PLEKHS1: variants seen among roughly 807,000 people sequenced by gnomAD.
PLEKHS1 encodes pleckstrin homology domain-containing family S member 1.
A neutral mutation model predicts 51.0 loss-of-function variants in PLEKHS1; 55 were observed. That is an observed-to-expected ratio of 1.08 (90% confidence interval 0.87 to 1.35). The LOEUF is 1.35. PLEKHS1 is among the 40% of genes most tolerant of loss of function. The pLI, the probability that PLEKHS1 is intolerant of heterozygous loss-of-function variation, is 0.00. For synonymous variants in PLEKHS1, 153 were observed against 144.8 expected, an observed-to-expected ratio of 1.06 and a Z score of -0.41; for missense variants, 398 against 423.0, an observed-to-expected ratio of 0.94 and a Z score of 0.52.
At chr10:113,770,009 C>A in intron 7 of PLEKHS1, 109 bp downstream of exon 7, 1 of 795,266 alleles carries the variant, frequency 1.3e-6, no homozygotes, top group Non-Finnish European at 2.2e-6. Context: ...TCCTCAAAGC[C>A]CGATGCACTA....
chr10:113,774,625 T>A (rs1260419264), intron 9 of PLEKHS1, among the ~76,000 whole-genome samples: 1 of 152,164 alleles, frequency 6.6e-6, no homozygotes, highest in Non-Finnish European at 1.5e-5. Context: ...CTGTAAAGGG[T>A]AATTTTGATT....
At chr10:113,760,124 G>C (rs745785477) in intron 2 of PLEKHS1, among the ~76,000 whole-genome samples, 5 of 152,148 alleles carry the variant, frequency 3.3e-5, no homozygotes, top group Non-Finnish European at 7.3e-5. Context: ...AACACTTTCT[G>C]TCTGACATCT....
exon 4 of PLEKHS1, chr10:113,766,676 A>G: frequency 6.2e-7 from 1 of 1,612,630 alleles, no homozygotes; most frequent in Non-Finnish European, 8.5e-7. Context: ...AGTCTTTCCT[A>G]TTATAAAGAC....
chr10:113,769,955 T>TA (rs1844332107), intron 7 of PLEKHS1, 55 bp downstream of exon 7: 1 of 1,253,428 alleles, frequency 8.0e-7, no homozygotes, highest in Non-Finnish European at 1.2e-6. Context: ...AGCTAATGCC[T>TA]AAAAATCTTA....
At chr10:113,757,952 T>C (rs946521462) in intron 2 of PLEKHS1, among the ~76,000 whole-genome samples, 1 of 152,232 alleles carries the variant, frequency 6.6e-6, no homozygotes, top group Non-Finnish European at 1.5e-5. Context: ...AGTTTGATCA[T>C]GAGATTGCAG....
chr10:113,781,584 CCCAAACACCTCCTT>C (rs1482212005), exon 12 of PLEKHS1: 3 of 105,396 alleles, frequency 2.8e-5, no homozygotes, highest in African/African-American at 1.2e-4. Context: ...ACACCTCCTT[CCCAAACACCTCCTT>C]CCCAACACCT....
intron 7 of PLEKHS1, among the ~76,000 whole-genome samples, chr10:113,770,990 C>T (rs749690302): frequency 1.1e-4 from 16 of 152,196 alleles, no homozygotes; most frequent in Non-Finnish European, 1.9e-4. Context: ...AACTTAAACA[C>T]ACCTGTATTT....
chr10:113,778,273 C>T (rs984960629), intron 11 of PLEKHS1, among the ~76,000 whole-genome samples: 9 of 152,152 alleles, frequency 5.9e-5, no homozygotes, highest in Admixed American at 3.9e-4. Flanking sequence ...AGAGAGTATG[C>T]TGGGTCTTCA....
intron 8 of PLEKHS1, among the ~76,000 whole-genome samples, chr10:113,772,318 C>T (rs1166719166): frequency 1.3e-5 from 2 of 152,048 alleles, no homozygotes; most frequent in Non-Finnish European, 2.9e-5. Context: ...GGTGCATGAG[C>T]TATGGGAGGA....
rs563432745 is a variant in PLEKHS1, at chr10:113,759,374, G to T, written c.28+4069G>T. 5.3e-5 allele frequency among the ~76,000 whole-genome samples: 8 copies of T among 152,328 alleles called. No homozygotes were observed. In the East Asian group the frequency reaches 1.5e-3, roughly 29 times the overall value. ...GCCAAGATCATACCACTGCACTCCAGCCTGGGTAATAGTAAACACACTCAT... is the reference window on the plus strand; with the variant it reads ...GCCAAGATCATACCACTGCACTCCATCCTGGGTAATAGTAAACACACTCAT... On this transcript the variant is annotated intron_variant, in intron 2 of 11. Transcript: ENST00000361048.
intron 8 of PLEKHS1, among the ~76,000 whole-genome samples, chr10:113,772,413 G>A (rs1344480488): frequency 6.6e-6 from 1 of 152,120 alleles, no homozygotes; most frequent in East Asian, 1.9e-4. Context: ...ATTTGGATGT[G>A]GGGGATTGCC....
intron 2 of PLEKHS1, among the ~76,000 whole-genome samples, chr10:113,757,802 T>C (rs1240413909): frequency 6.6e-6 from 1 of 152,260 alleles, no homozygotes; most frequent in Non-Finnish European, 1.5e-5. Context: ...CTGACACTGA[T>C]TTATCAACTA....
chr10:113,769,661 A>G (rs1844310713), intron 6 of PLEKHS1, 123 bp from the exon 7 acceptor site: 1 of 701,454 alleles, frequency 1.4e-6, no homozygotes, highest in Admixed American at 2.1e-5. Flanking sequence ...CTGGCAGGCC[A>G]GCGGCATGAA....
rs749683612 is a variant in PLEKHS1 at position 113,766,729 on chromosome 10, A to C, written c.224+11A>C. The C allele has an allele frequency of 6.4e-7, 1 of 1,563,338 alleles. No homozygotes were observed. Among genetic ancestry groups the C allele is most frequent in the South Asian group, 1.2e-5 (1 of 83,680 alleles). On this transcript the variant is annotated intron_variant, in intron 4 of 11. Coordinates refer to ENST00000361048, the Ensembl canonical transcript of PLEKHS1. ...CATTGAAATTGATCAGTGTGTATCC[A>C]AGCAGGAAAACTTTTATAACAACAA...
At chr10:113,759,934 T>C (rs1843847057) in intron 2 of PLEKHS1, among the ~76,000 whole-genome samples, 2 of 152,192 alleles carry the variant, frequency 1.3e-5, no homozygotes, top group Admixed American at 1.3e-4. Flanking sequence ...TTGGCAAATG[T>C]ACACAGCCAT....
chr10:113,780,835 C>G, exon 12 of PLEKHS1: 1 of 1,459,702 alleles, frequency 6.9e-7, no homozygotes, highest in Non-Finnish European at 9.1e-7. Context: ...CTGTCCAGCT[C>G]TGCCCCCTGC....
chr10:113,758,738 G>A (rs1843786049), intron 2 of PLEKHS1, among the ~76,000 whole-genome samples: 1 of 152,140 alleles, frequency 6.6e-6, no homozygotes, highest in East Asian at 1.9e-4. Context: ...GAGAGAGATG[G>A]GGGAATAGCC....
intron 8 of PLEKHS1, 111 bp from the exon 9 acceptor site, chr10:113,774,116 A>G: frequency 1.6e-6 from 1 of 644,484 alleles, no homozygotes; most frequent in South Asian, 1.9e-5. Context: ...ACGTTCATCC[A>G]CTGGAAACTG....
chr10:113,772,689 T>A (rs1341014933), intron 8 of PLEKHS1, among the ~76,000 whole-genome samples: 1 of 152,134 alleles, frequency 6.6e-6, no homozygotes, highest in African/African-American at 2.4e-5. Context: ...CTGGAAGCAA[T>A]AGAAAAAGAA....
Sources: gnomAD v4.1 joint callset for allele counts (sites outside exome capture counted in the v4.1 genomes callset) on GRCh38, gnomAD v4.1.1 for gene constraint, MANE v1.5 for transcripts, NCBI Gene and HGNC (gene_info 2026-07-23, HGNC 2026-07-21) for gene names.